MCPH1: variants seen among roughly 807,000 people sequenced by gnomAD.
MCPH1 encodes the protein microcephalin.
Under a neutral mutation model 84.5 loss-of-function variants are expected in MCPH1, and 104 were observed. The observed-to-expected ratio is 1.23, with a 90% CI of 1.05 to 1.45. The LOEUF (loss-of-function observed/expected upper bound fraction) is 1.45, where lower values mean the gene tolerates loss of function less well. Ranked by LOEUF, MCPH1 falls within the 40% of genes most tolerant of loss-of-function variation. The pLI is 0.00. For synonymous variants in MCPH1, 514 were observed against 366.8 expected, an observed-to-expected ratio of 1.40 and a Z score of -4.58; for missense variants, 1,498 against 1,005.7, an observed-to-expected ratio of 1.49 and a Z score of -6.62.
intron 12 of MCPH1, among the ~76,000 whole-genome samples, chr8:6,550,249 T>A (rs1823393356): frequency 6.6e-6 from 1 of 152,168 alleles, no homozygotes; most frequent in African/African-American, 2.4e-5. Context: ...GCGGCGTCAC[T>A]GATGCGCAGC....
chr8:6,619,982 A>T (rs930027606), intron 12 of MCPH1, among the ~76,000 whole-genome samples: 1 of 152,210 alleles, frequency 6.6e-6, no homozygotes, highest in Non-Finnish European at 1.5e-5. Flanking sequence ...TGGCCCCGTG[A>T]TGCTAGGGAC....
At chr8:6,577,346 G>T (rs1202841915) in intron 12 of MCPH1, among the ~76,000 whole-genome samples, 2 of 152,174 alleles carry the variant, frequency 1.3e-5, no homozygotes, top group Admixed American at 6.5e-5. Flanking sequence ...GCCACTAGAT[G>T]TATAGGTCAG....
At chr8:6,550,688 C>T (rs1050811171) in intron 12 of MCPH1, among the ~76,000 whole-genome samples, 1 of 152,160 alleles carries the variant, frequency 6.6e-6, no homozygotes, top group Non-Finnish European at 1.5e-5. Context: ...TTTTTAAAAT[C>T]TGTTTTATTG....
At chr8:6,474,451 A>T (rs1585984910) in intron 9 of MCPH1, among the ~76,000 whole-genome samples, 1 of 152,008 alleles carries the variant, frequency 6.6e-6, no homozygotes, top group South Asian at 2.1e-4. Context: ...CAATGGGTTC[A>T]CCTTGCTGTC....
At chr8:6,493,490 T>A (rs1216375010) in intron 11 of MCPH1, among the ~76,000 whole-genome samples, 1 of 152,232 alleles carries the variant, frequency 6.6e-6, no homozygotes, top group Non-Finnish European at 1.5e-5. Context: ...ATACTTTTAG[T>A]ACTTTATTGC....
intron 11 of MCPH1, among the ~76,000 whole-genome samples, chr8:6,484,949 A>G (rs1809688272): frequency 6.6e-6 from 1 of 152,242 alleles, no homozygotes; most frequent in Admixed American, 6.5e-5. Context: ...GGCAATGGTT[A>G]CAGAATCCAT....
rs571797092 is a variant in MCPH1, at chr8:6,549,390, A to G, written c.2214+49461A>G. Among the ~76,000 whole-genome samples the G allele has an allele frequency of 2.0e-5, 3 of 152,366 alleles. No individual in the cohort carries two copies. In the South Asian group the frequency reaches 6.2e-4, roughly 32 times the overall value. ...TCCAATTACATGACATTCAAAACCT[A>G]GCAAAATTAACCCATGGTGGGTGAC... On this transcript the variant is annotated intron_variant, in intron 12 of 13. Transcript: ENST00000344683.
At chr8:6,529,238 T>G (rs780774379) in intron 12 of MCPH1, among the ~76,000 whole-genome samples, 1 of 152,144 alleles carries the variant, frequency 6.6e-6, no homozygotes, top group Non-Finnish European at 1.5e-5. Context: ...GATCTCTCAT[T>G]CCCTTTAAGA....
intron 12 of MCPH1, among the ~76,000 whole-genome samples, chr8:6,578,536 A>G (rs1827298001): frequency 6.6e-6 from 1 of 152,222 alleles, no homozygotes; most frequent in South Asian, 2.1e-4. Context: ...ACATAACCAA[A>G]ATCTCACTAT....
chr8:6,528,105 C>G (rs551941295), intron 12 of MCPH1, among the ~76,000 whole-genome samples: 20 of 152,194 alleles, frequency 1.3e-4, no homozygotes, highest in African/African-American at 4.8e-4. Flanking sequence ...CCATGTTGGC[C>G]AGGCTGGTCT....
intron 7 of MCPH1, 138 bp downstream of exon 7, chr8:6,442,294 A>G: frequency 1.5e-6 from 1 of 647,772 alleles, no homozygotes; most frequent in South Asian, 1.8e-5. Flanking sequence ...TCCCCCTGAA[A>G]TTAGGTATTA....
rs377522481 is a variant in MCPH1, at chr8:6,623,688, CAA to C, written c.2452+2026_2452+2027del. Among the ~76,000 whole-genome samples the C allele has an allele frequency of 5.5e-4, 51 of 92,410 alleles. 1 individual carries two copies. The highest frequency in any genetic ancestry group is 2.2e-3 in the African/African-American group (48 of 21,776). The allele number at this position is 92,410 out of a possible 152,430, so 60.6% of individuals were successfully genotyped here. On this transcript the variant is annotated intron_variant, in intron 13 of 13. Transcript: ENST00000344683. ...CATCTTTTGCCTGGAAACCAACTTC[CAA>C]AAAAAAAAAAAAAAAAAAAAAAAAA... is the stretch of plus-strand genomic sequence containing the variant.
chr8:6,602,105 G>T (rs533100565), intron 12 of MCPH1, among the ~76,000 whole-genome samples: 3 of 152,180 alleles, frequency 2.0e-5, no homozygotes, highest in Admixed American at 1.3e-4. Context: ...AAATGGAATC[G>T]GATTGGAAGG....
At chr8:6,532,315 T>C in intron 12 of MCPH1, 1 of 1,614,140 alleles carries the variant, frequency 6.2e-7, no homozygotes. Flanking sequence ...CCGTGTGCTT[T>C]ATGTGGCATT....
Position 6,499,944 on chromosome 8 carries a change from G to A in MCPH1, c.2214+15G>A, listed in dbSNP as rs1353027553. 3 of 1,607,168 alleles carry A rather than the reference G, an allele frequency of 1.9e-6. No individual in the cohort carries two copies. The highest frequency in any genetic ancestry group is 1.3e-5 in the African/African-American group (1 of 74,784). ...CTGCAGCTCCCGTAAGTCAGATGTTGTTTTACGATGGTAAATGCAGTTTGC... is the reference window on the plus strand; with the variant it reads ...CTGCAGCTCCCGTAAGTCAGATGTTATTTTACGATGGTAAATGCAGTTTGC... On this transcript the variant is annotated intron_variant, in intron 12 of 13. Coordinates refer to ENST00000344683, the MANE Select transcript of MCPH1 (RefSeq NM_024596.5).
At chr8:6,459,406 G>C (rs771729619) in intron 9 of MCPH1, among the ~76,000 whole-genome samples, 1 of 152,190 alleles carries the variant, frequency 6.6e-6, no homozygotes, top group African/African-American at 2.4e-5. Flanking sequence ...CTCCCAGGTA[G>C]TTGGGACTAC....
intron 12 of MCPH1, among the ~76,000 whole-genome samples, chr8:6,604,824 G>A (rs1481988872): frequency 6.6e-6 from 1 of 152,184 alleles, no homozygotes; most frequent in Non-Finnish European, 1.5e-5. Context: ...TTTATACTAT[G>A]AACAAAACTT....
At chr8:6,535,687 G>T (rs57720549) in intron 12 of MCPH1, among the ~76,000 whole-genome samples, 1 of 152,098 alleles carries the variant, frequency 6.6e-6, no homozygotes, top group East Asian at 1.9e-4. Context: ...CTAATTAATT[G>T]AAGTCTTTGG....
At chr8:6,509,113 C>T (rs373076959) in intron 12 of MCPH1, 52 of 1,581,402 alleles carry the variant, frequency 3.3e-5, no homozygotes, top group African/African-American at 6.8e-5. Context: ...ATTGATTTAC[C>T]GTAGTGGCAA....
Sources: allele counts gnomAD v4.1 joint callset (sites outside exome capture counted in the v4.1 genomes callset), GRCh38; gene constraint gnomAD v4.1.1; transcripts MANE v1.5; gene names NCBI Gene and HGNC (gene_info 2026-07-23, HGNC 2026-07-21).